The following RNGTT variants were observed in gnomAD, a reference collection of about 807,000 sequenced individuals.
RNGTT encodes mRNA-capping enzyme.
In RNGTT, 33 loss-of-function variants were observed where a neutral mutation model predicts 79.3. The observed-to-expected ratio is 0.42, with a 90% CI of 0.32 to 0.56. The LOEUF (loss-of-function observed/expected upper bound fraction) is 0.56, where lower values mean the gene tolerates loss of function less well. RNGTT is among the 20% of genes least tolerant of loss of function. The pLI, the probability that RNGTT is intolerant of heterozygous loss-of-function variation, is 0.17. For missense variants in RNGTT, 497 were observed against 739.1 expected (o/e 0.67, Z 3.80); for synonymous variants, 222 against 235.9 (o/e 0.94, Z 0.54).
Position 88,963,443 on chromosome 6 carries a change from C to T in RNGTT, c.-34G>A. 1 of 1,522,040 alleles carries T rather than the reference C, an allele frequency of 6.6e-7. No individual in the cohort carries two copies. The highest frequency in any genetic ancestry group is 8.8e-7 in the Non-Finnish European group (1 of 1,130,838). 94.3% of individuals were successfully genotyped at this position (1,522,040 alleles called of 1,614,324 possible). A position where few individuals can be genotyped will look rare whatever the true frequency, so the allele number is the denominator to read the frequency against. ...GCTGCGCAGAGCTGCCCTCCCTCAC[C>T]AACGTTCACCGCGCCTTTGGAGCCG... On this transcript the variant is annotated 5_prime_UTR_variant, in exon 1 of 16. Transcript: ENST00000369485.
intron 11 of RNGTT, among the ~76,000 whole-genome samples, chr6:88,807,962 T>A (rs572351165): frequency 6.6e-6 from 1 of 152,264 alleles, no homozygotes; most frequent in East Asian, 1.9e-4. Flanking sequence ...AATGAAAATA[T>A]CTTTCAATAA....
chr6:88,907,738 T>C (rs1783703410), intron 4 of RNGTT, among the ~76,000 whole-genome samples: 1 of 147,324 alleles, frequency 6.8e-6, no homozygotes, highest in South Asian at 2.1e-4. Flanking sequence ...GCTGTATCTT[T>C]TTTTTTTTTT....
chr6:88,782,983 T>G (rs1414554141), intron 12 of RNGTT, among the ~76,000 whole-genome samples: 1 of 152,136 alleles, frequency 6.6e-6, no homozygotes, highest in Non-Finnish European at 1.5e-5. Context: ...AAAACAGTAT[T>G]GAGGTTCCTC....
At chr6:88,688,229 GC>G (rs1302781966) in intron 13 of RNGTT, among the ~76,000 whole-genome samples, 1 of 152,160 alleles carries the variant, frequency 6.6e-6, no homozygotes, top group Non-Finnish European at 1.5e-5. Context: ...ATAAAGAGAT[GC>G]AGGTTTCTCA....
chr6:88,846,311 A>G (rs142604989), intron 10 of RNGTT, among the ~76,000 whole-genome samples: 11 of 152,398 alleles, frequency 7.2e-5, no homozygotes, highest in African/African-American at 2.2e-4. Flanking sequence ...AAGTATATTC[A>G]TATCATTACT....
chr6:88,702,255 A>G (rs1008244224), intron 13 of RNGTT, among the ~76,000 whole-genome samples: 4 of 152,166 alleles, frequency 2.6e-5, no homozygotes, highest in Non-Finnish European at 4.4e-5. Flanking sequence ...TGAATAGCTA[A>G]AGCAATCCTA....
At chr6:88,757,179 A>G (rs549380265) in intron 13 of RNGTT, among the ~76,000 whole-genome samples, 1 of 152,340 alleles carries the variant, frequency 6.6e-6, no homozygotes, top group African/African-American at 2.4e-5. Context: ...AGAGGATCTC[A>G]GCATGATAGT....
chr6:88,767,326 C>T (rs758005715), intron 13 of RNGTT, among the ~76,000 whole-genome samples: 15 of 151,820 alleles, frequency 9.9e-5, no homozygotes, highest in African/African-American at 3.1e-4. Flanking sequence ...ATATTTAAAA[C>T]GTACTATGAA....
intron 14 of RNGTT, among the ~76,000 whole-genome samples, chr6:88,629,462 T>G (rs538932313): frequency 6.6e-6 from 1 of 152,316 alleles, no homozygotes; most frequent in Non-Finnish European, 1.5e-5. Flanking sequence ...TTTTCACAAT[T>G]CACGTTCTTA....
At position 88,697,893 on chromosome 6, in the gene RNGTT, T is replaced by TATATATATGATATATATATGAAATAC. The variant is rs1562201312; in HGVS notation, c.1440-19500_1440-19475dup. On this transcript the variant is annotated intron_variant, in intron 13 of 15. Transcript: ENST00000369485. Reference sequence around the variant, plus strand: ...CTTGGAAAAAAATATATATATGATATATATATATGATATATATATGAAATA... The same window carrying TATATATATGATATATATATGAAATAC: ...CTTGGAAAAAAATATATATATGATATATATATATGATATATATATGAAATACATATATATGATATATATATGAAATA... Among the ~76,000 whole-genome samples, 8 of 82,338 alleles carry TATATATATGATATATATATGAAATAC rather than the reference T, an allele frequency of 9.7e-5. 1 individual carries two copies. The highest frequency in any genetic ancestry group is 3.5e-4 in the African/African-American group (2 of 5,742). The allele number at this position is 82,338 out of a possible 152,430, so 54.0% of individuals were successfully genotyped here. A position where few individuals can be genotyped will look rare whatever the true frequency, so the allele number is the denominator to read the frequency against.
intron 14 of RNGTT, among the ~76,000 whole-genome samples, chr6:88,668,845 A>G (rs1774518268): frequency 6.6e-6 from 1 of 152,132 alleles, no homozygotes; most frequent in Admixed American, 6.5e-5. Context: ...TAGGGATGGG[A>G]TGTGGTTCTC....
At chr6:88,837,942 A>T (rs1016818270) in intron 11 of RNGTT, among the ~76,000 whole-genome samples, 6 of 152,190 alleles carry the variant, frequency 3.9e-5, no homozygotes, top group African/African-American at 1.2e-4. Context: ...ATGTATAATC[A>T]AACTAGACAA....
At chr6:88,683,272 A>C (rs534000368) in intron 13 of RNGTT, among the ~76,000 whole-genome samples, 2 of 152,288 alleles carry the variant, frequency 1.3e-5, no homozygotes, top group African/African-American at 4.8e-5. Flanking sequence ...GGACAAAGAA[A>C]AAAGAAAACA....
At chr6:88,960,500 A>G (rs1201541645) in intron 1 of RNGTT, among the ~76,000 whole-genome samples, 1 of 152,226 alleles carries the variant, frequency 6.6e-6, no homozygotes, top group Non-Finnish European at 1.5e-5. Flanking sequence ...TTGGGAGGCC[A>G]AGGCAGGCGG....
intron 13 of RNGTT, among the ~76,000 whole-genome samples, chr6:88,726,479 A>G (rs972371925): frequency 2.0e-5 from 3 of 152,086 alleles, no homozygotes; most frequent in African/African-American, 7.2e-5. Flanking sequence ...ATGATTTAAC[A>G]TTAACCACTG....
intron 10 of RNGTT, among the ~76,000 whole-genome samples, chr6:88,848,912 T>C (rs998090260): frequency 5.3e-5 from 8 of 152,054 alleles, no homozygotes; most frequent in Non-Finnish European, 1.0e-4. Flanking sequence ...TTCAGACTCT[T>C]CTATATGGTG....
intron 13 of RNGTT, among the ~76,000 whole-genome samples, chr6:88,746,961 T>C (rs1777679530): frequency 6.6e-6 from 1 of 152,160 alleles, no homozygotes; most frequent in Admixed American, 6.6e-5. Flanking sequence ...GTTTGACCCA[T>C]AGCAGACCCA....
rs538196765 is a variant in RNGTT at position 88,644,909 on chromosome 6, A to C, written c.1507-30514T>G. On this transcript the variant is annotated intron_variant, in intron 14 of 15. Transcript: ENST00000369485. The stretch of plus-strand genomic sequence containing the variant: ...ACAGCCAATATCATACTGAATGGGC[A>C]AAAACTGGAAGCATTCCCTTTGAAA... Among the ~76,000 whole-genome samples the C allele has an allele frequency of 2.0e-4, 30 of 152,372 alleles. No individual in the cohort carries two copies. In the South Asian group the frequency reaches 5.2e-3, roughly 26 times the overall value.
rs975428694 is a variant in RNGTT at position 88,829,250 on chromosome 6, C to T, written c.1269+15107G>A. Among the ~76,000 whole-genome samples, 2 of 152,134 alleles carry T rather than the reference C, an allele frequency of 1.3e-5. 1 individual carries two copies. The highest frequency in any genetic ancestry group is 1.3e-4 in the Admixed American group (2 of 15,266). On this transcript the variant is annotated intron_variant, in intron 11 of 15. Transcript: ENST00000369485. ...CATTCTTAAAGGAAAGAATTTTCAA[C>T]CCAGAATTTCATATCCAGCCAACTA...
Sources: gnomAD v4.1 joint callset for allele counts (sites outside exome capture counted in the v4.1 genomes callset) on GRCh38, gnomAD v4.1.1 for gene constraint, MANE v1.5 for transcripts, NCBI Gene and HGNC (gene_info 2026-07-23, HGNC 2026-07-21) for gene names.